The following NNT variants were observed in gnomAD, a reference collection of about 807,000 sequenced individuals.
The protein encoded by NNT is NAD(P) transhydrogenase, mitochondrial.
A neutral mutation model predicts 104.8 loss-of-function variants in NNT; 50 were observed. The observed-to-expected ratio is 0.48, with a 90% CI of 0.38 to 0.60. The LOEUF (loss-of-function observed/expected upper bound fraction) is 0.60, where lower values mean the gene tolerates loss of function less well. Among genes scored for constraint, NNT ranks in the 20% least tolerant of loss-of-function variants. NNT has a pLI of 0.00. For synonymous variants in NNT, 461 were observed against 490.4 expected (o/e 0.94, Z 0.79); for missense variants, 1,131 against 1,330.7 (o/e 0.85, Z 2.33).
At chr5:43,698,897 C>CAT (rs58272291) in intron 19 of NNT, among the ~76,000 whole-genome samples, 8,344 of 145,216 alleles carry the variant, frequency 0.057, 494 homozygotes, top group African/African-American at 0.15. Context: ...ATATACACTA[C>CAT]ATATATATAT....
chr5:43,648,295 A>G, intron 10 of NNT: 2 of 974,560 alleles, frequency 2.1e-6, no homozygotes, highest in South Asian at 8.7e-5. Flanking sequence ...ACATCAAGGA[A>G]AAAGGTACCT....
chr5:43,628,123 G>A, intron 6 of NNT, 77 bp from the exon 7 acceptor site: 5 of 1,088,760 alleles, frequency 4.6e-6, no homozygotes, highest in Non-Finnish European at 6.3e-6. Flanking sequence ...TCTTAAAAAG[G>A]TATATGTAAA....
intron 17 of NNT, among the ~76,000 whole-genome samples, chr5:43,670,824 C>G (rs976415300): frequency 6.6e-6 from 1 of 152,066 alleles, no homozygotes; most frequent in Non-Finnish European, 1.5e-5. Context: ...TCGCGTTAAA[C>G]TCCTGGATAT....
intron 7 of NNT, among the ~76,000 whole-genome samples, chr5:43,634,549 G>A (rs1750838148): frequency 6.6e-6 from 1 of 151,804 alleles, no homozygotes; most frequent in African/African-American, 2.4e-5. Context: ...TACTTTTTTT[G>A]TTATCTGATT....
chr5:43,659,216 G>C lies in NNT; in HGVS notation c.2500G>C (p.Val834Leu). Residue 834 changes from valine (V) to leucine (L), a missense_variant, in exon 17 of 22, where the codon GTT becomes CTT. Physicochemically the swap from Val to Leu is conservative, Grantham distance 32. Transcript: ENST00000344920. ...TATTGGGGGTGCTGACATGCCCGTCGTTATCACTGTGCTGAACAGCTACTC... is the reference window on the plus strand; with the variant it reads ...TATTGGGGGTGCTGACATGCCCGTCCTTATCACTGTGCTGAACAGCTACTC... ...AAIGGADMPV[V>L]ITVLNSYSGW... 6.2e-7 allele frequency: 1 copy of C among 1,613,496 alleles called. No homozygotes were observed. Among genetic ancestry groups the C allele is most frequent in the Non-Finnish European group, 8.5e-7 (1 of 1,179,700 alleles).
At chr5:43,683,954 T>G (rs1741852425) in intron 19 of NNT, among the ~76,000 whole-genome samples, 1 of 152,150 alleles carries the variant, frequency 6.6e-6, no homozygotes, top group Non-Finnish European at 1.5e-5. Flanking sequence ...CTATAATTAC[T>G]CTCCTCAGGA....
chr5:43,700,977 T>G (rs996795947), intron 20 of NNT, among the ~76,000 whole-genome samples: 1 of 152,252 alleles, frequency 6.6e-6, no homozygotes, highest in Non-Finnish European at 1.5e-5. Flanking sequence ...CCATTTTAAT[T>G]TTATGTCCCT....
chr5:43,622,773 G>T (rs1030101578), intron 5 of NNT, among the ~76,000 whole-genome samples: 8 of 151,808 alleles, frequency 5.3e-5, no homozygotes, highest in African/African-American at 1.7e-4. Flanking sequence ...TACTCACTGT[G>T]TCTTTTTCTT....
Position 43,644,714 on chromosome 5 carries a change from C to T in NNT, c.1202C>T (p.Pro401Leu), listed in dbSNP as rs202031197. The change falls in exon 9 of 22, where the codon CCG (proline) becomes CTG (leucine). Residue 401 changes from proline to leucine, a missense_variant. Physicochemically the swap from Pro to Leu is moderately conservative, Grantham distance 98. Coordinates refer to ENST00000344920, the MANE Select transcript of NNT (RefSeq NM_182977.3). ...ACCAAACTCCTGAAGGCCATCAGCC[C>T]GGACAAAGATAATTTTTATTTTGAT... is the stretch of plus-strand genomic sequence containing the variant. ...NITKLLKAIS[P>L]DKDNFYFDVK... The T allele has an allele frequency of 2.2e-5, 36 of 1,614,084 alleles. No homozygotes were observed. Among genetic ancestry groups the T allele is most frequent in the Non-Finnish European group, 2.7e-5 (32 of 1,180,000 alleles).
rs983062076 is a variant in NNT, at chr5:43,666,561, C to T, written c.2634+7211C>T. Among the ~76,000 whole-genome samples, 29 of 138,344 alleles carry T rather than the reference C, an allele frequency of 2.1e-4. No individual in the cohort carries two copies. The South Asian group carries it at 5.1e-3, about 24-fold the overall frequency. 90.8% of individuals were successfully genotyped at this position (138,344 alleles called of 152,430 possible). ...GCGACAGTACAGTCCAGCCTCAGCTCGGCATCAGGGGGAGACCGAGCAGAG... is the reference window on the plus strand; with the variant it reads ...GCGACAGTACAGTCCAGCCTCAGCTTGGCATCAGGGGGAGACCGAGCAGAG... On this transcript the variant is annotated intron_variant, in intron 17 of 21. Coordinates refer to ENST00000344920, the MANE Select transcript of NNT (RefSeq NM_182977.3).
At chr5:43,659,097 G>A in intron 16 of NNT, 74 bp from the exon 17 acceptor site, 7 of 1,389,532 alleles carry the variant, frequency 5.0e-6, no homozygotes, top group Non-Finnish European at 6.8e-6. Context: ...AATAATTAAG[G>A]AGCAAAATGT....
At chr5:43,620,891 GA>G (rs754953100) in intron 5 of NNT, among the ~76,000 whole-genome samples, 1 of 152,186 alleles carries the variant, frequency 6.6e-6, no homozygotes, top group Admixed American at 6.5e-5. Flanking sequence ...TGTGGAAGTT[GA>G]GAGAAAAGCT....
intron 6 of NNT, among the ~76,000 whole-genome samples, chr5:43,625,177 G>A (rs960634214): frequency 1.3e-5 from 2 of 152,018 alleles, no homozygotes; most frequent in African/African-American, 2.4e-5. Flanking sequence ...AAAGCCGGTC[G>A]TTTAAGTTTT....
At chr5:43,644,079 G>T (rs1446867141) in intron 7 of NNT, 113 bp from the exon 8 acceptor site, 6 of 1,015,252 alleles carry the variant, frequency 5.9e-6, no homozygotes, top group Non-Finnish European at 8.6e-6. Context: ...CTTGGAAAGA[G>T]TTAAAATTTC....
In NNT at chr5:43,705,067, T is replaced by C. The variant is rs1743045753; in HGVS notation, c.*663T>C. 1 of 152,190 alleles carries C rather than the reference T, an allele frequency of 6.6e-6. No homozygotes were observed. The highest frequency in any genetic ancestry group is 2.4e-5 in the African/African-American group (1 of 41,458). The allele number at this position is 152,190 out of a possible 1,614,324, so 9.4% of individuals were successfully genotyped here. A position where few individuals can be genotyped will look rare whatever the true frequency, so the allele number is the denominator to read the frequency against. ...ATTTGCTTTATATGTTTCATTAGAA[T>C]ACCAATGAAACATACAACTTGAAAA... On this transcript the variant is annotated 3_prime_UTR_variant, in exon 22 of 22. Coordinates refer to ENST00000344920, the MANE Select transcript of NNT (RefSeq NM_182977.3).
At chr5:43,610,842 A>T (rs1407961259) in intron 2 of NNT, among the ~76,000 whole-genome samples, 1 of 152,192 alleles carries the variant, frequency 6.6e-6, no homozygotes, top group Non-Finnish European at 1.5e-5. Flanking sequence ...TTGTGAGTAA[A>T]TCCATGGACA....
chr5:43,652,990 A>ATC (rs1166345771), intron 13 of NNT, 28 bp from the exon 14 acceptor site: 3 of 1,569,298 alleles, frequency 1.9e-6, no homozygotes, highest in African/African-American at 2.7e-5. Flanking sequence ...GGTTTTAATA[A>ATC]TCTCTCTCTC....
chr5:43,700,113 G>A lies in NNT; in HGVS notation c.2877-6G>A. ...AAGGCCAGCTCTTCATTTGTTTCAT[G>A]TCTAGGTTTGGAATTCACCCAGTTG... is the stretch of plus-strand genomic sequence containing the variant. On this transcript the variant is annotated splice_region_variant and splice_polypyrimidine_tract_variant and intron_variant, in intron 19 of 21. Transcript: ENST00000344920. 2 of 1,609,752 alleles carry A rather than the reference G, an allele frequency of 1.2e-6. No homozygotes were observed. The highest frequency in any genetic ancestry group is 1.7e-6 in the Non-Finnish European group (2 of 1,177,046).
At chr5:43,625,313 G>A (rs932621054) in intron 6 of NNT, among the ~76,000 whole-genome samples, 6 of 152,100 alleles carry the variant, frequency 3.9e-5, no homozygotes, top group Non-Finnish European at 8.8e-5. Flanking sequence ...ATTGTGTACA[G>A]AATCAACAGC....
Sources: allele counts gnomAD v4.1 joint callset (sites outside exome capture counted in the v4.1 genomes callset), GRCh38; gene constraint gnomAD v4.1.1; transcripts MANE v1.5; gene names NCBI Gene and HGNC (gene_info 2026-07-23, HGNC 2026-07-21).